Variants in MMS22L observed in about 807,000 individuals in gnomAD.
The protein encoded by MMS22L is MMS22 like, DNA repair protein.
In MMS22L, 74 loss-of-function variants were observed where a neutral mutation model predicts 159.1. The observed-to-expected ratio is 0.47, with a 90% CI of 0.39 to 0.56. MMS22L has a LOEUF of 0.56. Among genes scored for constraint, MMS22L ranks in the 20% least tolerant of loss-of-function variants. The pLI is 0.00. For synonymous variants in MMS22L, 517 were observed against 506.9 expected (o/e 1.02, Z -0.27); for missense variants, 1,351 against 1,422.1 (o/e 0.95, Z 0.80).
chr6:97,233,144 T>C (rs1351124583), intron 12 of MMS22L, among the ~76,000 whole-genome samples: 1 of 151,940 alleles, frequency 6.6e-6, no homozygotes, highest in African/African-American at 2.4e-5. Context: ...TAAACCAGAA[T>C]TAACTGTACA....
chr6:97,228,862 A>T, intron 14 of MMS22L, 32 bp downstream of exon 14: 1 of 1,555,752 alleles, frequency 6.4e-7, no homozygotes, highest in Non-Finnish European at 8.7e-7. Context: ...TATAAAACAA[A>T]TCATAAATTA....
chr6:97,164,491 TAAG>T (rs1330399771), intron 21 of MMS22L, among the ~76,000 whole-genome samples: 1 of 151,576 alleles, frequency 6.6e-6, no homozygotes, highest in Non-Finnish European at 1.5e-5. Flanking sequence ...GTAGAATATT[TAAG>T]AAGTTTTGTT....
At chr6:97,167,594 A>T (rs1803093288) in intron 20 of MMS22L, among the ~76,000 whole-genome samples, 1 of 152,108 alleles carries the variant, frequency 6.6e-6, no homozygotes, top group Non-Finnish European at 1.5e-5. Flanking sequence ...ACTTCTTAGG[A>T]TGGAATATAA....
chr6:97,152,863 A>C (rs184566119), intron 22 of MMS22L, among the ~76,000 whole-genome samples: 1 of 146,238 alleles, frequency 6.8e-6, no homozygotes, highest in Admixed American at 6.9e-5. Context: ...TAAGAGGCAG[A>C]GTCTTGCTCT....
intron 22 of MMS22L, among the ~76,000 whole-genome samples, chr6:97,158,241 T>C (rs892101383): frequency 1.3e-5 from 2 of 152,184 alleles, no homozygotes; most frequent in Non-Finnish European, 1.5e-5. Context: ...TAGTGGTCTA[T>C]TTCGTTGATC....
chr6:97,271,810 T>C (rs1271032781), intron 6 of MMS22L: 1 of 152,184 alleles, frequency 6.6e-6, no homozygotes, highest in African/African-American at 2.4e-5. Flanking sequence ...TAGCTGGGAC[T>C]ACAAGGTATG....
At chr6:97,219,782 A>G (rs1809425805) in intron 14 of MMS22L, among the ~76,000 whole-genome samples, 1 of 152,206 alleles carries the variant, frequency 6.6e-6, no homozygotes, top group African/African-American at 2.4e-5. Flanking sequence ...AAGCAAAGGC[A>G]AAAAGCAAAA....
chr6:97,212,397 TGGAA>T (rs1808479762), intron 14 of MMS22L, among the ~76,000 whole-genome samples: 1 of 152,206 alleles, frequency 6.6e-6, no homozygotes, highest in Admixed American at 6.5e-5. Context: ...ATTCTTTTCA[TGGAA>T]TACCTATCAT....
chr6:97,210,953 A>G (rs1008736257), intron 14 of MMS22L, among the ~76,000 whole-genome samples: 2 of 152,012 alleles, frequency 1.3e-5, no homozygotes, highest in African/African-American at 4.8e-5. Context: ...TTCAGAATTT[A>G]AAAAGGAATG....
chr6:97,252,842 C>A lies in MMS22L; in HGVS notation c.1119+1715G>T, dbSNP rs540303420. On this transcript the variant is annotated intron_variant, in intron 10 of 24. Transcript: ENST00000683635. ...AAAAATGCAAATGCTTATATTACGACCTTAGAATTACAGGTAAATTTTCTT... is the reference window on the plus strand; with the variant it reads ...AAAAATGCAAATGCTTATATTACGAACTTAGAATTACAGGTAAATTTTCTT... 1.9e-3 allele frequency among the ~76,000 whole-genome samples: 285 copies of A among 152,096 alleles called. 2 individuals carry two copies. The highest frequency in any genetic ancestry group is 3.6e-3 in the Non-Finnish European group (245 of 67,984).
chr6:97,217,943 T>A (rs1809203763), intron 14 of MMS22L, among the ~76,000 whole-genome samples: 1 of 152,090 alleles, frequency 6.6e-6, no homozygotes, highest in Non-Finnish European at 1.5e-5. Context: ...CTAATCCCAA[T>A]ACAGACAATC....
chr6:97,282,773 T>C (rs1055389074), intron 1 of MMS22L, among the ~76,000 whole-genome samples: 3 of 152,184 alleles, frequency 2.0e-5, no homozygotes, highest in Non-Finnish European at 4.4e-5. Flanking sequence ...AGTCGGGCTC[T>C]GCAGCCCAGG....
Position 97,168,258 on chromosome 6 carries a change from T to C in MMS22L, c.2840-18A>G. 1 of 1,610,412 alleles carries C rather than the reference T, an allele frequency of 6.2e-7. No homozygotes were observed. Among genetic ancestry groups the C allele is most frequent in the Non-Finnish European group, 8.5e-7 (1 of 1,177,888 alleles). On this transcript the variant is annotated intron_variant, in intron 19 of 24. Coordinates refer to ENST00000683635, the MANE Select transcript of MMS22L (RefSeq NM_001350599.2). ...AAGAATTCCTAACAAAGAAGAGAAG[T>C]AACAGCATGTTGTTGTTATCCTCTG...
chr6:97,215,661 G>GCTCAT (rs1379593045), intron 14 of MMS22L, among the ~76,000 whole-genome samples: 21 of 151,960 alleles, frequency 1.4e-4, no homozygotes, highest in Non-Finnish European at 2.5e-4. Context: ...TCAGGACACT[G>GCTCAT]CTCATCAAGC....
intron 10 of MMS22L, among the ~76,000 whole-genome samples, chr6:97,252,034 G>C (rs10457272): frequency 0.64 from 96,606 of 150,714 alleles, 32,478 homozygotes; most frequent in Non-Finnish European, 0.76. Flanking sequence ...AGTAAGCCAA[G>C]ACTGCGCCAC....
chr6:97,212,733 A>AT lies in MMS22L; in HGVS notation c.2039+16160dup, dbSNP rs1446412408. ...TTGTAACATTTTGAAAAATACAGTA[A>AT]TTTTTTTTTACTATAAGCAAAAGAC... On this transcript the variant is annotated intron_variant, in intron 14 of 24. Coordinates refer to ENST00000683635, the MANE Select transcript of MMS22L (RefSeq NM_001350599.2). Among the ~76,000 whole-genome samples, 6 of 151,820 alleles carry AT rather than the reference A, an allele frequency of 4.0e-5. No homozygotes were observed. In the South Asian group the frequency reaches 1.0e-3, roughly 26 times the overall value.
intron 24 of MMS22L, among the ~76,000 whole-genome samples, chr6:97,149,409 ACTGT>A (rs753513046): frequency 6.6e-6 from 1 of 152,134 alleles, no homozygotes; most frequent in Non-Finnish European, 1.5e-5. Context: ...CAAAACCTAT[ACTGT>A]CTAATTGGGT....
intron 20 of MMS22L, among the ~76,000 whole-genome samples, chr6:97,167,778 T>C (rs907493175): frequency 1.3e-5 from 2 of 151,948 alleles, no homozygotes; most frequent in Non-Finnish European, 2.9e-5. Flanking sequence ...TATTCTCTTA[T>C]ATCTCCTCAC....
chr6:97,218,659 C>T (rs1198794423), intron 14 of MMS22L, among the ~76,000 whole-genome samples: 1 of 152,072 alleles, frequency 6.6e-6, no homozygotes, highest in Non-Finnish European at 1.5e-5. Context: ...CAATAAAGGA[C>T]ATTAGAGATT....
Sources: gnomAD v4.1 joint callset for allele counts (sites outside exome capture counted in the v4.1 genomes callset) on GRCh38, gnomAD v4.1.1 for gene constraint, MANE v1.5 for transcripts, NCBI Gene and HGNC (gene_info 2026-07-23, HGNC 2026-07-21) for gene names.